Variants in DYNLL2 observed in about 807,000 individuals in gnomAD.
DYNLL2 encodes dynein light chain 2, cytoplasmic.
In DYNLL2, 1 loss-of-function variant was observed where a neutral mutation model predicts 9.7. That is an observed-to-expected ratio of 0.10 (90% CI 0.04 to 0.49). The LOEUF is 0.49. Among genes scored for constraint, DYNLL2 ranks in the 20% least tolerant of loss-of-function variants. DYNLL2 has a pLI of 0.95. For synonymous variants in DYNLL2, 35 were observed against 40.5 expected (o/e 0.86, Z 0.52); for missense variants, 37 against 115.2 (o/e 0.32, Z 3.11).
chr17:58,087,332 A>G, intron 2 of DYNLL2, 110 bp downstream of exon 2: 1 of 1,461,738 alleles, frequency 6.8e-7, no homozygotes. Context: ...ATCCTGTGCA[A>G]GCAAAACCCT....
chr17:58,092,427 G>A lies in DYNLL2; in HGVS notation c.*3148G>A, dbSNP rs1400241058. ...ACTAATCCTGCAGGGCTTCCTGGAG[G>A]AGATGAGCCTCCACTTTTCGGGGCC... On this transcript the variant is annotated 3_prime_UTR_variant, in exon 3 of 3. Coordinates refer to ENST00000579991, the MANE Select transcript of DYNLL2 (RefSeq NM_080677.3). 2.6e-5 allele frequency: 4 copies of A among 152,286 alleles called. No homozygotes were observed. The highest frequency in any genetic ancestry group is 4.8e-5 in the African/African-American group (2 of 41,464). 9.4% of individuals were successfully genotyped at this position (152,286 alleles called of 1,614,324 possible). A position where few individuals can be genotyped will look rare whatever the true frequency, so the allele number is the denominator to read the frequency against.
chr17:58,086,787 C>T (rs991744903), intron 1 of DYNLL2, among the ~76,000 whole-genome samples: 17 of 152,294 alleles, frequency 1.1e-4, no homozygotes, highest in African/African-American at 3.6e-4. Context: ...GTAATATAAT[C>T]TTGACTATTG....
Position 58,090,056 on chromosome 17 carries a change from C to T in DYNLL2, c.*777C>T, listed in dbSNP as rs981030086. On this transcript the variant is annotated 3_prime_UTR_variant, in exon 3 of 3. Coordinates refer to ENST00000579991, the MANE Select transcript of DYNLL2 (RefSeq NM_080677.3). ...ATCTTTTTTTTCTTTACATTTTTCT[C>T]CTGTCTGCTCCCTGCTTAGCCCTCA... 17 of 395,816 alleles carry T rather than the reference C, an allele frequency of 4.3e-5. No homozygotes were observed. Among genetic ancestry groups the T allele is most frequent in the Non-Finnish European group, 6.7e-5 (15 of 224,994 alleles). 24.5% of individuals were successfully genotyped at this position (395,816 alleles called of 1,614,324 possible). A position where few individuals can be genotyped will look rare whatever the true frequency, so the allele number is the denominator to read the frequency against.
At chr17:58,084,052 C>T (rs2075747863) in intron 1 of DYNLL2, among the ~76,000 whole-genome samples, 1 of 152,032 alleles carries the variant, frequency 6.6e-6, no homozygotes, top group African/African-American at 2.4e-5. Context: ...CGTGACGCGG[C>T]TCCTCCTGCC....
At chr17:58,084,591 G>A (rs1235087629) in intron 1 of DYNLL2, among the ~76,000 whole-genome samples, 1 of 152,124 alleles carries the variant, frequency 6.6e-6, no homozygotes, top group South Asian at 2.1e-4. Flanking sequence ...CCTTGGACAG[G>A]GGTGGTAGGG....
rs905354449 is a variant in DYNLL2 at position 58,094,191 on chromosome 17, C to T, written c.*4912C>T. 13 of 152,268 alleles carry T rather than the reference C, an allele frequency of 8.5e-5. No homozygotes were observed. The highest frequency in any genetic ancestry group is 6.8e-3 in the Middle Eastern group (2 of 294). The allele number at this position is 152,268 out of a possible 1,614,324, so 9.4% of individuals were successfully genotyped here. On this transcript the variant is annotated 3_prime_UTR_variant, in exon 3 of 3. Coordinates refer to ENST00000579991, the MANE Select transcript of DYNLL2 (RefSeq NM_080677.3). ...GAAGACCTGGAGTCGAATCTCAGCT[C>T]CAACACCCACTGGATGAACGTGGAC...
At chr17:58,083,758 T>A (rs2075745719) in intron 1 of DYNLL2, 75 bp downstream of exon 1, 1 of 151,970 alleles carries the variant, frequency 6.6e-6, no homozygotes, top group Admixed American at 6.5e-5. Flanking sequence ...GACCCGGCCC[T>A]CGCCGCGGTG....
chr17:58,089,781 A>T lies in DYNLL2; in HGVS notation c.*502A>T, dbSNP rs755391385. 3.3e-4 allele frequency: 133 copies of T among 400,534 alleles called. 2 individuals carry two copies. Among genetic ancestry groups the T allele is most frequent in the Admixed American group, 7.0e-4 (16 of 22,762 alleles). 24.8% of individuals were successfully genotyped at this position (400,534 alleles called of 1,614,324 possible). A position where few individuals can be genotyped will look rare whatever the true frequency, so the allele number is the denominator to read the frequency against. ...AAGGGGTAGGAAGGAAGGTGGAGGG[A>T]TTGATCTAGTACCAGGGAGAATATT... On this transcript the variant is annotated 3_prime_UTR_variant, in exon 3 of 3. Coordinates refer to ENST00000579991, the MANE Select transcript of DYNLL2 (RefSeq NM_080677.3).
At chr17:58,085,163 C>A (rs753195705) in intron 1 of DYNLL2, among the ~76,000 whole-genome samples, 3 of 152,168 alleles carry the variant, frequency 2.0e-5, no homozygotes, top group Non-Finnish European at 4.4e-5. Context: ...GGGTGCTGGT[C>A]TACTACCTCT....
At chr17:58,084,639 T>C (rs142737749) in intron 1 of DYNLL2, among the ~76,000 whole-genome samples, 1 of 152,212 alleles carries the variant, frequency 6.6e-6, no homozygotes, top group Non-Finnish European at 1.5e-5. Context: ...GGGGGGCCAT[T>C]GTAGTCGTAA....
intron 1 of DYNLL2, among the ~76,000 whole-genome samples, chr17:58,084,567 T>C (rs1236690165): frequency 6.6e-6 from 1 of 152,120 alleles, no homozygotes; most frequent in African/African-American, 2.4e-5. Flanking sequence ...CTTCCTGTGC[T>C]TTGCTTACCG....
rs1413384667 is a variant in DYNLL2, at chr17:58,090,865, T to C, written c.*1586T>C. 1 of 151,838 alleles carries C rather than the reference T, an allele frequency of 6.6e-6. No individual in the cohort carries two copies. The highest frequency in any genetic ancestry group is 2.4e-5 in the African/African-American group (1 of 41,272). The allele number at this position is 151,838 out of a possible 1,614,324, so 9.4% of individuals were successfully genotyped here. ...GGGTGGGGGATCCAGCTTATTCTTT[T>C]ATTTTCAAGTCCATTCTTGGGGCTG... On this transcript the variant is annotated 3_prime_UTR_variant, in exon 3 of 3. Coordinates refer to ENST00000579991, the MANE Select transcript of DYNLL2 (RefSeq NM_080677.3).
At position 58,093,886 on chromosome 17, in the gene DYNLL2, G is replaced by A. The variant is rs1187403507; in HGVS notation, c.*4607G>A. The A allele has an allele frequency of 6.6e-6, 1 of 152,226 alleles. No homozygotes were observed. Among genetic ancestry groups the A allele is most frequent in the Non-Finnish European group, 1.5e-5 (1 of 68,068 alleles). 9.4% of individuals were successfully genotyped at this position (152,226 alleles called of 1,614,324 possible). ...TTGCCTGTTGAGGTCAGGTGTACCTGTGTGTCTCTCTCTGTGATGTATGTG... is the reference window on the plus strand; with the variant it reads ...TTGCCTGTTGAGGTCAGGTGTACCTATGTGTCTCTCTCTGTGATGTATGTG... On this transcript the variant is annotated 3_prime_UTR_variant, in exon 3 of 3. Transcript: ENST00000579991.
In DYNLL2 at chr17:58,095,271, T is replaced by C. The variant is rs1002278200; in HGVS notation, c.*5992T>C. The C allele has an allele frequency of 3.3e-5, 5 of 152,234 alleles. No homozygotes were observed. Among genetic ancestry groups the C allele is most frequent in the African/African-American group, 1.2e-4 (5 of 41,458 alleles). 9.4% of individuals were successfully genotyped at this position (152,234 alleles called of 1,614,324 possible). ...AGTGTGAGAGCAGCCATAGATAATA[T>C]GTAAACAAATGAGCATGGCTATGTT... On this transcript the variant is annotated 3_prime_UTR_variant, in exon 3 of 3. Transcript: ENST00000579991.
rs1410915413 is a variant in DYNLL2 at position 58,095,157 on chromosome 17, T to A, written c.*5878T>A. 1 of 152,236 alleles carries A rather than the reference T, an allele frequency of 6.6e-6. No homozygotes were observed. Among genetic ancestry groups the A allele is most frequent in the East Asian group, 1.9e-4 (1 of 5,204 alleles). The allele number at this position is 152,236 out of a possible 1,614,324, so 9.4% of individuals were successfully genotyped here. ...TAAAAAATCTAGACAGGTTGGCAAA[T>A]CATTTCTGTAAAGAGTCAGTAAATA... is the stretch of plus-strand genomic sequence containing the variant. On this transcript the variant is annotated 3_prime_UTR_variant, in exon 3 of 3. Transcript: ENST00000579991.
intron 2 of DYNLL2, among the ~76,000 whole-genome samples, chr17:58,087,701 C>T (rs1279021828): frequency 6.6e-6 from 1 of 152,136 alleles, no homozygotes; most frequent in African/African-American, 2.4e-5. Flanking sequence ...TACTACATCA[C>T]CCCTTTCTGT....
intron 1 of DYNLL2, among the ~76,000 whole-genome samples, chr17:58,084,910 A>T (rs1185997793): frequency 6.6e-6 from 1 of 151,804 alleles, no homozygotes. Context: ...ACTTATACAG[A>T]GCCTTATAAT....
At position 58,092,977 on chromosome 17, in the gene DYNLL2, C is replaced by A. The variant is rs1419384761; in HGVS notation, c.*3698C>A. 6.6e-6 allele frequency: 1 copy of A among 152,232 alleles called. No homozygotes were observed. The highest frequency in any genetic ancestry group is 1.5e-5 in the Non-Finnish European group (1 of 68,058). The allele number at this position is 152,232 out of a possible 1,614,324, so 9.4% of individuals were successfully genotyped here. ...CTGTTATCCTTACCCAGTTTAATTC[C>A]ACGTAGCATCTGCCAACGCTTGACA... On this transcript the variant is annotated 3_prime_UTR_variant, in exon 3 of 3. Transcript: ENST00000579991.
In DYNLL2 at chr17:58,089,540, A is replaced by C; in HGVS notation, c.*261A>C. 4.2e-6 allele frequency: 2 copies of C among 474,894 alleles called. No individual in the cohort carries two copies. The highest frequency in any genetic ancestry group is 2.0e-5 in the African/African-American group (1 of 49,588). The allele number at this position is 474,894 out of a possible 1,614,324, so 29.4% of individuals were successfully genotyped here. A position where few individuals can be genotyped will look rare whatever the true frequency, so the allele number is the denominator to read the frequency against. Reference sequence around the variant, plus strand: ...TTTTTTGGTTGTATTGCACTAGGAAATCTCTCCCACCTCTCCCTTTTCTCT... The same window carrying C: ...TTTTTTGGTTGTATTGCACTAGGAACTCTCTCCCACCTCTCCCTTTTCTCT... On this transcript the variant is annotated 3_prime_UTR_variant, in exon 3 of 3. Transcript: ENST00000579991.
Sources: gnomAD v4.1 joint callset for allele counts (sites outside exome capture counted in the v4.1 genomes callset) on GRCh38, gnomAD v4.1.1 for gene constraint, MANE v1.5 for transcripts, NCBI Gene and HGNC (gene_info 2026-07-23, HGNC 2026-07-21) for gene names.